The following DLG1 variants were observed in gnomAD, a reference collection of about 807,000 sequenced individuals.
The protein encoded by DLG1 is discs large MAGUK scaffold protein 1.
A neutral mutation model predicts 123.4 loss-of-function variants in DLG1; 42 were observed. The ratio of observed to expected loss-of-function variants is 0.34; its 90% CI spans 0.27 to 0.44. The LOEUF (loss-of-function observed/expected upper bound fraction) is 0.44, where lower values mean the gene tolerates loss of function less well. Ranked by LOEUF, DLG1 falls within the 20% of genes least tolerant of loss-of-function variation. DLG1 has a pLI of 1.00. For synonymous variants in DLG1, 317 were observed against 356.2 expected (o/e 0.89, Z 1.24); for missense variants, 942 against 1,082.6 (o/e 0.87, Z 1.82).
intron 4 of DLG1, among the ~76,000 whole-genome samples, chr3:197,207,793 G>A (rs1183246797): frequency 1.7e-5 from 2 of 118,546 alleles, no homozygotes; most frequent in Non-Finnish European, 4.1e-5. Context: ...TAGCAAGGGG[G>A]AAAATGGGTA....
intron 4 of DLG1, among the ~76,000 whole-genome samples, chr3:197,261,916 G>C (rs1448125604): frequency 1.3e-5 from 2 of 152,182 alleles, no homozygotes; most frequent in Admixed American, 6.5e-5. Flanking sequence ...ATGCTGACTT[G>C]TTAGGTCAAT....
chr3:197,272,751 T>C (rs1042983666), intron 4 of DLG1, among the ~76,000 whole-genome samples: 2 of 152,208 alleles, frequency 1.3e-5, no homozygotes, highest in Non-Finnish European at 2.9e-5. Flanking sequence ...ATATACACTG[T>C]GTAAGTCTCT....
rs201145407 is a variant in DLG1, at chr3:197,104,909, G to A, written c.1540C>T (p.Pro514Ser). ...QAVTIVAQYR[P>S]EEYSRFEAKI... The stretch of plus-strand genomic sequence containing the variant: ...ACAATAAGAATGTTATTACCTTCAG[G>A]TCGATATTGTGCAACAATTGTGACA... The change falls in exon 14 of 25, where the codon CCT (proline) becomes TCT (serine). Residue 514 changes from proline to serine, a missense_variant. Physicochemically the swap from Pro to Ser is moderately conservative, Grantham distance 74. Transcript: ENST00000667157. 10 of 1,607,542 alleles carry A rather than the reference G, an allele frequency of 6.2e-6. No homozygotes were observed. The highest frequency in any genetic ancestry group is 8.5e-6 in the Non-Finnish European group (10 of 1,174,878).
intron 11 of DLG1, among the ~76,000 whole-genome samples, chr3:197,123,327 CAT>C (rs1777384416): frequency 6.6e-6 from 1 of 152,054 alleles, no homozygotes. Context: ...TGAGGGAAAA[CAT>C]AAACTCAGTG....
chr3:197,235,177 A>G (rs1745322499), intron 4 of DLG1, among the ~76,000 whole-genome samples: 1 of 152,172 alleles, frequency 6.6e-6, no homozygotes, highest in Non-Finnish European at 1.5e-5. Flanking sequence ...CCTGGAGGCC[A>G]TTTTTTGGAA....
chr3:197,067,892 T>C (rs1381949244), intron 19 of DLG1, among the ~76,000 whole-genome samples: 1 of 75,070 alleles, frequency 1.3e-5, no homozygotes, highest in Non-Finnish European at 2.8e-5. Flanking sequence ...CACACACACA[T>C]CCCCCCTCAC....
chr3:197,202,629 G>A (rs143349257), intron 4 of DLG1, among the ~76,000 whole-genome samples: 2 of 152,238 alleles, frequency 1.3e-5, no homozygotes, highest in African/African-American at 4.8e-5. Context: ...GGTGAAACAG[G>A]CATTCTTAAA....
chr3:197,059,591 C>G (rs1253737977), intron 23 of DLG1, among the ~76,000 whole-genome samples: 1 of 118,532 alleles, frequency 8.4e-6, no homozygotes, highest in East Asian at 2.6e-4. Flanking sequence ...TTCTTTTATT[C>G]TCTTAATGGT....
intron 4 of DLG1, among the ~76,000 whole-genome samples, chr3:197,250,598 A>C (rs548497447): frequency 1.5e-4 from 23 of 152,020 alleles, no homozygotes; most frequent in Admixed American, 1.4e-3. Context: ...GAAAAAGAGA[A>C]GAAAGAAATT....
intron 5 of DLG1, among the ~76,000 whole-genome samples, chr3:197,191,752 A>AT (rs1211535816): frequency 6.6e-6 from 1 of 152,218 alleles, no homozygotes; most frequent in Non-Finnish European, 1.5e-5. Context: ...AGTGAATGGC[A>AT]TTTATTTACT....
intron 23 of DLG1, among the ~76,000 whole-genome samples, chr3:197,055,722 G>A (rs1731228744): frequency 6.6e-6 from 1 of 152,148 alleles, no homozygotes; most frequent in Non-Finnish European, 1.5e-5. Context: ...GTGGGGGGAA[G>A]AGGGAAGCAC....
chr3:197,058,836 T>G (rs115026050), intron 23 of DLG1, among the ~76,000 whole-genome samples: 1 of 152,244 alleles, frequency 6.6e-6, no homozygotes, highest in Non-Finnish European at 1.5e-5. Flanking sequence ...GCTGTCAATT[T>G]TTATTTTTTG....
chr3:197,243,886 A>C (rs915548249), intron 4 of DLG1, among the ~76,000 whole-genome samples: 4 of 152,204 alleles, frequency 2.6e-5, no homozygotes, highest in Non-Finnish European at 5.9e-5. Flanking sequence ...ATGAGAGTCA[A>C]AGGACCCACG....
At position 197,043,018 on chromosome 3, in the gene DLG1, T is replaced by C. The variant is rs1172011512; in HGVS notation, c.*1605A>G. ...AATTCTTTACAAACCAGTACTCATTTAAGAAACTAATGAGGAGGTTGTCAA... is the reference window on the plus strand; with the variant it reads ...AATTCTTTACAAACCAGTACTCATTCAAGAAACTAATGAGGAGGTTGTCAA... On this transcript the variant is annotated 3_prime_UTR_variant, in exon 25 of 25. Coordinates refer to ENST00000667157, the MANE Select transcript of DLG1 (RefSeq NM_001366207.1). 6.6e-6 allele frequency: 1 copy of C among 152,268 alleles called. No homozygotes were observed. The highest frequency in any genetic ancestry group is 1.9e-4 in the East Asian group (1 of 5,204). The allele number at this position is 152,268 out of a possible 1,614,324, so 9.4% of individuals were successfully genotyped here. A position where few individuals can be genotyped will look rare whatever the true frequency, so the allele number is the denominator to read the frequency against.
rs74973688 is a variant in DLG1 at position 197,189,375 on chromosome 3, A to G, written c.483+5050T>C. On this transcript the variant is annotated intron_variant, in intron 5 of 24. Coordinates refer to ENST00000667157, the MANE Select transcript of DLG1 (RefSeq NM_001366207.1). ...ATACATCATATTACACAGGAAATAT[A>G]CAAGAAAATATGTTTAACAAGTTTA... Among the ~76,000 whole-genome samples, 1,326 of 152,358 alleles carry G rather than the reference A, an allele frequency of 8.7e-3. 9 individuals are homozygous for G. Among genetic ancestry groups the G allele is most frequent in the Non-Finnish European group, 0.013 (853 of 68,028 alleles).
chr3:197,289,696 C>T (rs391575), intron 3 of DLG1, among the ~76,000 whole-genome samples: 113,412 of 152,028 alleles, frequency 0.75, 42,385 homozygotes, highest in East Asian at 0.82. Context: ...AAGATAATAC[C>T]ACAATAGTCA....
chr3:197,067,665 C>G (rs1370790044), intron 19 of DLG1, among the ~76,000 whole-genome samples: 5 of 146,094 alleles, frequency 3.4e-5, no homozygotes, highest in Admixed American at 7.1e-5. Flanking sequence ...TCAAGCGGTT[C>G]TCCTGCCTCA....
chr3:197,227,226 CT>C (rs1424832634), intron 4 of DLG1, among the ~76,000 whole-genome samples: 1 of 152,116 alleles, frequency 6.6e-6, no homozygotes, highest in Non-Finnish European at 1.5e-5. Flanking sequence ...AATCCCAGCA[CT>C]TCAGGTGGCC....
intron 14 of DLG1, among the ~76,000 whole-genome samples, chr3:197,094,346 T>A (rs188004292): frequency 2.0e-4 from 31 of 152,336 alleles, no homozygotes; most frequent in African/African-American, 6.5e-4. Flanking sequence ...TCTCACTATA[T>A]GGTTTGTTCT....
Sources: allele counts gnomAD v4.1 joint callset (sites outside exome capture counted in the v4.1 genomes callset), GRCh38; gene constraint gnomAD v4.1.1; transcripts MANE v1.5; gene names NCBI Gene and HGNC (gene_info 2026-07-23, HGNC 2026-07-21).